The following PZP variants were observed in gnomAD, a reference collection of about 807,000 sequenced individuals.
PZP encodes the protein PZP alpha-2-macroglobulin like, also known as pregnancy zone protein.
PZP carries 150 observed loss-of-function variants against 179.8 expected under a neutral mutation model. The observed-to-expected ratio is 0.83, with a 90% CI of 0.73 to 0.96. The LOEUF (loss-of-function observed/expected upper bound fraction) is 0.96. Ranked by LOEUF, PZP falls within the 40% of genes least tolerant of loss-of-function variation. PZP has a pLI of 0.00. For synonymous variants in PZP, 624 were observed against 652.3 expected, an observed-to-expected ratio of 0.96 and a Z score of 0.66; for missense variants, 1,689 against 1,764.0, an observed-to-expected ratio of 0.96 and a Z score of 0.76.
intron 34 of PZP, 32 bp from the exon 35 acceptor site, chr12:9,149,634 G>GA: frequency 6.2e-7 from 1 of 1,606,508 alleles, no homozygotes; most frequent in South Asian, 1.1e-5. Context: ...AGGAAGAAAC[G>GA]AAAGATCTAT....
chr12:9,187,029 G>A (rs1286618503), intron 13 of PZP, among the ~76,000 whole-genome samples: 5 of 148,780 alleles, frequency 3.4e-5, no homozygotes, highest in Middle Eastern at 3.5e-3. Flanking sequence ...GAAAAGCAGG[G>A]GTTGCAATAC....
At chr12:9,156,267 A>T (rs1414152838) in intron 28 of PZP, 1 of 210,154 alleles carries the variant, frequency 4.8e-6, no homozygotes, top group Non-Finnish European at 1.0e-5. Context: ...TCGCTTTGGG[A>T]AACTTCAGTG....
intron 28 of PZP, among the ~76,000 whole-genome samples, chr12:9,156,645 TGCATTATTTATCTGCA>T (rs1940776337): frequency 1.3e-5 from 2 of 152,218 alleles, no homozygotes; most frequent in African/African-American, 4.8e-5. Flanking sequence ...GAAATAAAAC[TGCATTATTTATCTGCA>T]GCATTATGTC....
downstream of PZP, among the ~76,000 whole-genome samples, chr12:9,144,560 C>T (rs1939905437): frequency 6.6e-6 from 1 of 152,132 alleles, no homozygotes; most frequent in Non-Finnish European, 1.5e-5. Flanking sequence ...ATTAGTGGCT[C>T]AACAGTCAAA....
intron 28 of PZP, 131 bp downstream of exon 28, chr12:9,157,044 C>T: frequency 1.3e-6 from 1 of 750,968 alleles, no homozygotes; most frequent in South Asian, 2.6e-5. Flanking sequence ...GTTATTAGGT[C>T]CCCCATGCAT....
At chr12:9,188,608 TTA>T (rs1472606482) in intron 13 of PZP, among the ~76,000 whole-genome samples, 2 of 152,158 alleles carry the variant, frequency 1.3e-5, no homozygotes, top group Non-Finnish European at 2.9e-5. Flanking sequence ...CGACATGATT[TTA>T]TATCTAGAAA....
At chr12:9,203,730 A>G (rs1944306468) in intron 2 of PZP, 38 bp downstream of exon 2, 5 of 1,608,754 alleles carry the variant, frequency 3.1e-6, no homozygotes, top group Non-Finnish European at 4.3e-6. Flanking sequence ...AATAAAATGT[A>G]TCAAGCAGGG....
intron 17 of PZP, 37 bp from the exon 18 acceptor site, chr12:9,166,239 A>G (rs1473494719): frequency 2.5e-6 from 4 of 1,599,524 alleles, no homozygotes; most frequent in Non-Finnish European, 2.6e-6. Flanking sequence ...AGGGAAAAAC[A>G]TTCATTAATT....
chr12:9,165,822 C>T (rs1941542856), intron 18 of PZP, among the ~76,000 whole-genome samples: 1 of 152,188 alleles, frequency 6.6e-6, no homozygotes, highest in Admixed American at 6.5e-5. Context: ...TTATAGTTCT[C>T]ATGTCTACTA....
Position 9,148,888 on chromosome 12 carries a change from A to C in PZP, c.*84T>G, listed in dbSNP as rs1940149873. 2.4e-6 allele frequency: 3 copies of C among 1,257,228 alleles called. No individual in the cohort carries two copies. The East Asian group carries it at 7.0e-5, about 29-fold the overall frequency. 77.9% of individuals were successfully genotyped at this position (1,257,228 alleles called of 1,614,324 possible). A position where few individuals can be genotyped will look rare whatever the true frequency, so the allele number is the denominator to read the frequency against. On this transcript the variant is annotated 3_prime_UTR_variant, in exon 36 of 36. Coordinates refer to ENST00000261336, the MANE Select transcript of PZP (RefSeq NM_002864.3). ...TATTCAGCAAATATTTTTAGTGTCT[A>C]TTTTATAGAGACAAATAACTCCATT...
chr12:9,144,983 G>C (rs1939933839), downstream of PZP, among the ~76,000 whole-genome samples: 1 of 152,184 alleles, frequency 6.6e-6, no homozygotes, highest in African/African-American at 2.4e-5. Flanking sequence ...TGATACTCCT[G>C]CCCTGTCACC....
intron 15 of PZP, among the ~76,000 whole-genome samples, chr12:9,180,033 G>A (rs1478193046): frequency 1.3e-5 from 2 of 152,326 alleles, no homozygotes; most frequent in East Asian, 3.9e-4. Context: ...CAGATTAAGT[G>A]AGAAAACCTA....
chr12:9,157,943 A>T lies in PZP; in HGVS notation c.3295-102T>A, dbSNP rs1940881287. 8 of 979,474 alleles carry T rather than the reference A, an allele frequency of 8.2e-6. No individual in the cohort carries two copies. The South Asian group carries it at 1.0e-4, about 12-fold the overall frequency. 60.7% of individuals were successfully genotyped at this position (979,474 alleles called of 1,614,324 possible). ...CTCCTCAGTATCTGTTTCCATTCAAAGTATACCATTTCCTTCTCTCTCTCT... is the reference window on the plus strand; with the variant it reads ...CTCCTCAGTATCTGTTTCCATTCAATGTATACCATTTCCTTCTCTCTCTCT... On this transcript the variant is annotated intron_variant, in intron 26 of 35. Coordinates refer to ENST00000261336, the MANE Select transcript of PZP (RefSeq NM_002864.3).
Position 9,200,917 on chromosome 12 carries a change from C to T in PZP, c.645G>A (p.Gln215=), listed in dbSNP as rs200691370. 6.2e-7 allele frequency: 1 copy of T among 1,613,838 alleles called. No individual in the cohort carries two copies. Among genetic ancestry groups the T allele is most frequent in the Non-Finnish European group, 8.5e-7 (1 of 1,179,868 alleles). The change falls in exon 6 of 36, where the codon CAG becomes CAA. Residue 215 remains glutamine (Q), a synonymous_variant. Transcript: ENST00000261336. ...CAAATTCCTCCACGGTGAAGGGGTG[C>T]TGTATCCTTCCACCTGATTCTGTCT... ...VVQTESGGRI[Q]HPFTVEEFVL... is the part of the protein sequence containing the mutation.
chr12:9,162,633 G>C lies in PZP; in HGVS notation c.2752C>G (p.Gln918Glu), dbSNP rs775601004. The C allele has an allele frequency of 3.1e-6, 5 of 1,594,300 alleles. No homozygotes were observed. The highest frequency in any genetic ancestry group is 2.2e-5 in the South Asian group (2 of 90,450). ...GTCATAGAACTGAAAGTCTTTTCTTGCTCAATACCTTCAGCCTTGGATGAA... is the reference window on the plus strand; with the variant it reads ...GTCATAGAACTGAAAGTCTTTTCTTCCTCAATACCTTCAGCCTTGGATGAA... ...TLLVEAEGIE[Q>E]EKTFSSMTCA... is the part of the protein sequence containing the mutation. Residue 918 changes from glutamine (Q) to glutamate (E), a missense_variant, in exon 22 of 36, where the codon CAA (glutamine) becomes GAA (glutamate). Physicochemically the swap from Gln to Glu is conservative, Grantham distance 29 (BLOSUM62 2). Transcript: ENST00000261336.
intron 1 of PZP, among the ~76,000 whole-genome samples, chr12:9,204,324 T>C (rs752521567): frequency 1.3e-5 from 2 of 152,086 alleles, no homozygotes; most frequent in South Asian, 4.2e-4. Context: ...CACACACACA[T>C]ATATAAAAAA....
chr12:9,137,245 A>G, the PZP span, among the ~76,000 whole-genome samples: 8 of 152,086 alleles, frequency 5.3e-5, 1 homozygote, highest in East Asian at 1.2e-3. Context: ...TGTTTTGCTT[A>G]TGGATATACA....
intron 15 of PZP, among the ~76,000 whole-genome samples, chr12:9,174,546 T>A (rs1942231148): frequency 6.6e-6 from 1 of 151,276 alleles, no homozygotes; most frequent in Admixed American, 6.6e-5. Context: ...TTATTTGATT[T>A]TATATCTAGA....
intron 10 of PZP, 62 bp from the exon 11 acceptor site, chr12:9,194,300 T>G: frequency 6.7e-7 from 1 of 1,495,016 alleles, no homozygotes; most frequent in Non-Finnish European, 9.1e-7. Flanking sequence ...TGAACTCATG[T>G]GAACAAATGC....
Sources: gnomAD v4.1 joint callset for allele counts (sites outside exome capture counted in the v4.1 genomes callset) on GRCh38, gnomAD v4.1.1 for gene constraint, MANE v1.5 for transcripts, NCBI Gene and HGNC (gene_info 2026-07-23, HGNC 2026-07-21) for gene names.